The following PPFIA2 variants were observed in gnomAD, a reference collection of about 807,000 sequenced individuals.
PPFIA2 encodes PPFI scaffold protein A2, also known as liprin-alpha-2.
In PPFIA2, 46 loss-of-function variants were observed where a neutral mutation model predicts 175.5. The ratio of observed to expected loss-of-function variants is 0.26; its 90% CI spans 0.21 to 0.34. The LOEUF is 0.34. Ranked by LOEUF, PPFIA2 falls within the 10% of genes least tolerant of loss-of-function variation. PPFIA2 has a pLI of 1.00. For missense variants in PPFIA2, 1,179 were observed against 1,506.1 expected (o/e 0.78, Z 3.60); for synonymous variants, 568 against 511.4 (o/e 1.11, Z -1.49).
At chr12:81,386,744 A>G (rs2039060551) in intron 8 of PPFIA2, among the ~76,000 whole-genome samples, 1 of 152,280 alleles carries the variant, frequency 6.6e-6, no homozygotes, top group Non-Finnish European at 1.5e-5. Flanking sequence ...TAAGAGAAAA[A>G]GAACATAAGT....
intron 4 of PPFIA2, among the ~76,000 whole-genome samples, chr12:81,553,870 G>T (rs780621002): frequency 3.9e-5 from 6 of 152,076 alleles, no homozygotes; most frequent in Admixed American, 6.6e-5. Flanking sequence ...GAGATATAAA[G>T]TGTCTGTTTT....
At chr12:81,376,333 G>T (rs1221846120) in intron 9 of PPFIA2, among the ~76,000 whole-genome samples, 1 of 151,940 alleles carries the variant, frequency 6.6e-6, no homozygotes, top group Non-Finnish European at 1.5e-5. Context: ...AAATTGTAAA[G>T]CAGTCTTCAA....
intron 4 of PPFIA2, among the ~76,000 whole-genome samples, chr12:81,609,524 C>G (rs2060671830): frequency 6.6e-6 from 1 of 152,082 alleles, no homozygotes. Context: ...TAATATTATG[C>G]AATGCCCTTC....
At chr12:81,684,372 C>G (rs1411493686) in intron 3 of PPFIA2, among the ~76,000 whole-genome samples, 1 of 151,974 alleles carries the variant, frequency 6.6e-6, no homozygotes, top group East Asian at 1.9e-4. Flanking sequence ...ACCCTTAAAC[C>G]TAAAGAAGGT....
At position 81,558,354 on chromosome 12, in the gene PPFIA2, G is replaced by C. The variant is rs564067917; in HGVS notation, c.304-100488C>G. 1.8e-3 allele frequency among the ~76,000 whole-genome samples: 270 copies of C among 152,284 alleles called. 1 individual carries two copies. Among genetic ancestry groups the C allele is most frequent in the African/African-American group, 6.0e-3 (248 of 41,560 alleles). On this transcript the variant is annotated intron_variant, in intron 4 of 32. Coordinates refer to ENST00000549396, the MANE Select transcript of PPFIA2 (RefSeq NM_003625.5). ...CTTAGAATGAATGGAAGATTGATCA[G>C]TAGTTACTGTGATCTACATTTCTTT...
At position 81,443,845 on chromosome 12, in the gene PPFIA2, C is replaced by CTTTT. The variant is rs1183160145; in HGVS notation, c.570+1707_570+1710dup. 2.0e-3 allele frequency among the ~76,000 whole-genome samples: 144 copies of CTTTT among 71,176 alleles called. 6 individuals are homozygous for CTTTT. Among genetic ancestry groups the CTTTT allele is most frequent in the Non-Finnish European group, 2.9e-3 (105 of 36,474 alleles). The allele number at this position is 71,176 out of a possible 152,430, so 46.7% of individuals were successfully genotyped here. A position where few individuals can be genotyped will look rare whatever the true frequency, so the allele number is the denominator to read the frequency against. On this transcript the variant is annotated intron_variant, in intron 6 of 32. Transcript: ENST00000549396. ...ATACCTAGATCAAATGCCAACCTTTCTTTTTTTTTTTTTTTTTTTTTTTTT... is the reference window on the plus strand; with the variant it reads ...ATACCTAGATCAAATGCCAACCTTTCTTTTTTTTTTTTTTTTTTTTTTTTTTTTT...
chr12:81,705,636 A>G (rs1320244377), intron 3 of PPFIA2, among the ~76,000 whole-genome samples: 1 of 152,160 alleles, frequency 6.6e-6, no homozygotes, highest in Non-Finnish European at 1.5e-5. Context: ...AATTAATACA[A>G]TAGATTCTTG....
chr12:81,745,677 C>T (rs145884610), intron 3 of PPFIA2, among the ~76,000 whole-genome samples: 358 of 152,268 alleles, frequency 2.4e-3, no homozygotes, highest in African/African-American at 7.9e-3. Flanking sequence ...TCATGAGGAC[C>T]GCAGTTGCTC....
chr12:81,334,064 A>G (rs906322057), intron 21 of PPFIA2, among the ~76,000 whole-genome samples: 5 of 152,194 alleles, frequency 3.3e-5, no homozygotes, highest in African/African-American at 1.2e-4. Flanking sequence ...CCAAACAAAC[A>G]AAGGACATTA....
At chr12:81,707,838 A>C (rs1192330790) in intron 3 of PPFIA2, among the ~76,000 whole-genome samples, 1 of 150,782 alleles carries the variant, frequency 6.6e-6, no homozygotes, top group African/African-American at 2.4e-5. Context: ...AATACTATGC[A>C]GCCATAAAAA....
At chr12:81,344,431 T>C (rs1035389822) in intron 19 of PPFIA2, among the ~76,000 whole-genome samples, 1 of 151,082 alleles carries the variant, frequency 6.6e-6, no homozygotes, top group East Asian at 1.9e-4. Context: ...AAATATTCAA[T>C]GGAAAACAGG....
At chr12:81,277,501 T>G (rs1358063690) in intron 27 of PPFIA2, 87 bp from the exon 28 acceptor site, 1 of 1,277,068 alleles carries the variant, frequency 7.8e-7, no homozygotes, top group Non-Finnish European at 1.0e-6. Flanking sequence ...GTCAACACTA[T>G]GCACTGCTTC....
intron 4 of PPFIA2, among the ~76,000 whole-genome samples, chr12:81,529,693 T>C (rs1239827222): frequency 4.0e-5 from 6 of 151,838 alleles, no homozygotes; most frequent in African/African-American, 1.5e-4. Context: ...TCAATGGGGG[T>C]TGGCTAACTC....
At chr12:81,551,451 A>G (rs1422687805) in intron 4 of PPFIA2, among the ~76,000 whole-genome samples, 1 of 152,046 alleles carries the variant, frequency 6.6e-6, no homozygotes, top group East Asian at 1.9e-4. Flanking sequence ...AATAACAATA[A>G]AACAATTTAA....
At chr12:81,404,897 T>G (rs1181187462) in intron 8 of PPFIA2, among the ~76,000 whole-genome samples, 4 of 152,232 alleles carry the variant, frequency 2.6e-5, no homozygotes, top group Admixed American at 1.3e-4. Context: ...TAGAAACTCT[T>G]GACATTTTCA....
rs911141440 is a variant in PPFIA2, at chr12:81,494,845, C to A, written c.304-36979G>T. 2.0e-5 allele frequency among the ~76,000 whole-genome samples: 3 copies of A among 147,146 alleles called. 1 individual carries two copies. The highest frequency in any genetic ancestry group is 4.4e-5 in the Non-Finnish European group (3 of 67,450). On this transcript the variant is annotated intron_variant, in intron 4 of 32. Transcript: ENST00000549396. The stretch of plus-strand genomic sequence containing the variant: ...CATTCTCAGTAAACTATCACAAGGA[C>A]AAAAAACCAAACACCGCATGTTCTC...
At chr12:81,383,908 A>G in intron 9 of PPFIA2, 115 bp downstream of exon 9, 1 of 801,178 alleles carries the variant, frequency 1.2e-6, no homozygotes. Flanking sequence ...AATGCATGCC[A>G]AAGTATGGTC....
intron 7 of PPFIA2, among the ~76,000 whole-genome samples, chr12:81,436,279 T>TAAAAA (rs763809833): frequency 4.5e-5 from 2 of 44,810 alleles, no homozygotes; most frequent in African/African-American, 6.9e-5. Context: ...AGACCCTGTC[T>TAAAAA]AAAAAAAAAA....
At chr12:81,402,518 T>C (rs2042254978) in intron 8 of PPFIA2, among the ~76,000 whole-genome samples, 1 of 152,104 alleles carries the variant, frequency 6.6e-6, no homozygotes, top group Middle Eastern at 3.2e-3. Context: ...AAAATAATAA[T>C]CAGGATACTG....
Sources: allele counts gnomAD v4.1 joint callset (sites outside exome capture counted in the v4.1 genomes callset), GRCh38; gene constraint gnomAD v4.1.1; transcripts MANE v1.5; gene names NCBI Gene and HGNC (gene_info 2026-07-23, HGNC 2026-07-21).